Variants in AGBL4 observed in about 807,000 individuals in gnomAD.
AGBL4 encodes AGBL carboxypeptidase 4.
Under a neutral mutation model 66.4 loss-of-function variants are expected in AGBL4, and 58 were observed. The ratio of observed to expected loss-of-function variants is 0.87; its 90% CI spans 0.71 to 1.09. The LOEUF (loss-of-function observed/expected upper bound fraction) is 1.09, where lower values mean the gene tolerates loss of function less well. AGBL4 is among the 50% of genes least tolerant of loss of function. The pLI, the probability that AGBL4 is intolerant of heterozygous loss-of-function variation, is 0.00. For synonymous variants in AGBL4, 234 were observed against 222.9 expected (o/e 1.05, Z -0.44); for missense variants, 579 against 631.0 (o/e 0.92, Z 0.88).
At chr1:49,356,912 C>G (rs146103287) in intron 3 of AGBL4, among the ~76,000 whole-genome samples, 1 of 152,294 alleles carries the variant, frequency 6.6e-6, no homozygotes, top group African/African-American at 2.4e-5. Flanking sequence ...ACCTGATTGA[C>G]CTCAAAGCCA....
chr1:49,422,510 G>C (rs985278673), intron 3 of AGBL4, among the ~76,000 whole-genome samples: 3 of 152,088 alleles, frequency 2.0e-5, no homozygotes, highest in African/African-American at 7.2e-5. Flanking sequence ...ATATATTTTT[G>C]ATCAGAACAA....
intron 5 of AGBL4, among the ~76,000 whole-genome samples, chr1:48,917,285 A>C (rs1406458572): frequency 6.6e-6 from 1 of 152,062 alleles, no homozygotes; most frequent in Non-Finnish European, 1.5e-5. Flanking sequence ...CCTACTTTTA[A>C]AATAATTAAA....
chr1:48,652,285 G>A (rs1404606184), intron 8 of AGBL4, among the ~76,000 whole-genome samples: 1 of 152,184 alleles, frequency 6.6e-6, no homozygotes, highest in Non-Finnish European at 1.5e-5. Context: ...ATTCTGTTTA[G>A]GGTTTAAGGG....
chr1:49,948,528 TATATATAA>T (rs71572694), intron 1 of AGBL4, among the ~76,000 whole-genome samples: 37,763 of 115,718 alleles, frequency 0.33, 6,777 homozygotes, highest in East Asian at 0.75. Flanking sequence ...TATAAATAAA[TATATATAA>T]ATATATAAAT....
chr1:48,743,929 C>T (rs1054147049), intron 6 of AGBL4, among the ~76,000 whole-genome samples: 3 of 152,140 alleles, frequency 2.0e-5, no homozygotes, highest in Non-Finnish European at 4.4e-5. Flanking sequence ...AACTGAAAGA[C>T]GAAGTCTCTG....
intron 1 of AGBL4, among the ~76,000 whole-genome samples, chr1:50,002,326 C>T (rs949720593): frequency 7.4e-5 from 11 of 147,892 alleles, no homozygotes; most frequent in African/African-American, 1.3e-4. Flanking sequence ...TGGTTTACTC[C>T]GATTTATTTG....
intron 1 of AGBL4, among the ~76,000 whole-genome samples, chr1:49,897,785 G>A (rs1166341067): frequency 1.3e-5 from 2 of 151,806 alleles, no homozygotes; most frequent in African/African-American, 4.8e-5. Flanking sequence ...TAGAAAAATG[G>A]AGCAGAATAG....
At chr1:49,751,847 T>G (rs1651494358) in intron 2 of AGBL4, among the ~76,000 whole-genome samples, 1 of 152,194 alleles carries the variant, frequency 6.6e-6, no homozygotes. Context: ...CTTCTAGATT[T>G]TCTGGTTTAT....
intron 4 of AGBL4, among the ~76,000 whole-genome samples, chr1:49,244,923 T>C (rs1399110880): frequency 3.3e-5 from 5 of 151,748 alleles, no homozygotes; most frequent in Non-Finnish European, 7.4e-5. Flanking sequence ...AATGAATAAA[T>C]GAATGAATGA....
chr1:49,566,647 G>A (rs1314420545), intron 3 of AGBL4, among the ~76,000 whole-genome samples: 2 of 152,162 alleles, frequency 1.3e-5, no homozygotes, highest in African/African-American at 2.4e-5. Flanking sequence ...CTGCCTGATC[G>A]TTCCTCTGGA....
chr1:48,843,021 G>A (rs542804759), intron 6 of AGBL4, among the ~76,000 whole-genome samples: 3 of 152,162 alleles, frequency 2.0e-5, no homozygotes, highest in East Asian at 1.9e-4. Flanking sequence ...GCTGGGGGAA[G>A]GGGAAAAAGG....
At chr1:49,862,353 C>CA (rs59447912) in intron 1 of AGBL4, among the ~76,000 whole-genome samples, 66 of 137,734 alleles carry the variant, frequency 4.8e-4, no homozygotes, top group Middle Eastern at 7.4e-3. Context: ...ATATAGGAGA[C>CA]AAAAAAAAAA....
intron 4 of AGBL4, among the ~76,000 whole-genome samples, chr1:49,216,158 G>T (rs542071570): frequency 6.6e-6 from 1 of 152,220 alleles, no homozygotes; most frequent in South Asian, 2.1e-4. Context: ...AAAGTGCAAG[G>T]CTAAGTGGCA....
intron 2 of AGBL4, among the ~76,000 whole-genome samples, chr1:49,780,467 T>C (rs1488951961): frequency 1.3e-5 from 2 of 152,094 alleles, no homozygotes; most frequent in African/African-American, 4.8e-5. Context: ...TATAAATATA[T>C]ACTTTATTTA....
At chr1:49,477,699 C>G (rs1041446462) in intron 3 of AGBL4, among the ~76,000 whole-genome samples, 1 of 151,894 alleles carries the variant, frequency 6.6e-6, no homozygotes, top group Admixed American at 6.6e-5. Context: ...AAAACATGAC[C>G]TTACCAAATG....
chr1:48,788,894 C>T lies in AGBL4; in HGVS notation c.634+78297G>A, dbSNP rs984937457. Among the ~76,000 whole-genome samples, 62 of 152,058 alleles carry T rather than the reference C, an allele frequency of 4.1e-4. 1 individual carries two copies. The highest frequency in any genetic ancestry group is 1.5e-3 in the South Asian group (7 of 4,818). ...CCATTTGTGAAACGGGAAAATGAAA[C>T]GCATATTTTAGGATTTTCAAATGGA... On this transcript the variant is annotated intron_variant, in intron 6 of 13. Transcript: ENST00000371839.
intron 6 of AGBL4, among the ~76,000 whole-genome samples, chr1:48,687,528 G>C (rs969529867): frequency 3.9e-5 from 6 of 152,172 alleles, no homozygotes; most frequent in Admixed American, 2.6e-4. Flanking sequence ...CGAGGGGAGA[G>C]GCCATCCATG....
At chr1:49,414,750 A>C (rs1367472108) in intron 3 of AGBL4, among the ~76,000 whole-genome samples, 1 of 152,094 alleles carries the variant, frequency 6.6e-6, no homozygotes, top group African/African-American at 2.4e-5. Context: ...CACTTACTTA[A>C]CCTCTTTCTA....
chr1:48,683,926 T>G (rs1354313819), intron 6 of AGBL4, among the ~76,000 whole-genome samples: 1 of 152,206 alleles, frequency 6.6e-6, no homozygotes, highest in Non-Finnish European at 1.5e-5. Flanking sequence ...GGCAACATTT[T>G]GAAAATCTAA....
Sources: gnomAD v4.1 joint callset for allele counts (sites outside exome capture counted in the v4.1 genomes callset) on GRCh38, gnomAD v4.1.1 for gene constraint, MANE v1.5 for transcripts, NCBI Gene and HGNC (gene_info 2026-07-23, HGNC 2026-07-21) for gene names.